ZNF385C: variants seen among roughly 807,000 people sequenced by gnomAD.
The protein encoded by ZNF385C is CTD-2132N18.2.
In ZNF385C, 28 loss-of-function variants were observed where a neutral mutation model predicts 35.4. The observed-to-expected ratio is 0.79, with a 90% CI of 0.59 to 1.08. The LOEUF is 1.08. Among genes scored for constraint, ZNF385C ranks in the 50% least tolerant of loss-of-function variants. The pLI is 0.00. For missense variants in ZNF385C, 605 were observed against 595.6 expected (o/e 1.02, Z -0.16); for synonymous variants, 248 against 248.2 (o/e 1.00, Z 0.01).
At chr17:42,071,336 G>A (rs1440740647) in intron 1 of ZNF385C, among the ~76,000 whole-genome samples, 2 of 152,108 alleles carry the variant, frequency 1.3e-5, no homozygotes, top group African/African-American at 4.8e-5. Flanking sequence ...GAGGGCACAG[G>A]AGGTGAAGGA....
intron 1 of ZNF385C, among the ~76,000 whole-genome samples, chr17:42,082,131 C>A (rs573128114): frequency 3.3e-5 from 5 of 152,326 alleles, no homozygotes; most frequent in African/African-American, 1.2e-4. Context: ...CCACCTCAGC[C>A]CCTTGGCTGA....
At position 42,050,267 on chromosome 17, in the gene ZNF385C, G is replaced by A. The variant is rs2053253298; in HGVS notation, c.251-12382C>T. On this transcript the variant is annotated intron_variant, in intron 2 of 8. Coordinates refer to ENST00000692273, the MANE Select transcript of ZNF385C (RefSeq NM_001392013.1). The surrounding 1 kb of genome is among the most constrained non-coding windows in gnomAD (Gnocchi z 5.6). ...CGAGCCTCCTCCCCGGGCTCCTGGG[G>A]GCCCCTTGCTTTGGGACCCCACTAA... 6.6e-6 allele frequency among the ~76,000 whole-genome samples: 1 copy of A among 152,186 alleles called. No homozygotes were observed. Among genetic ancestry groups the A allele is most frequent in the Non-Finnish European group, 1.5e-5 (1 of 68,016 alleles).
At chr17:42,029,556 T>C (rs1481063932) in intron 5 of ZNF385C, among the ~76,000 whole-genome samples, 1 of 152,100 alleles carries the variant, frequency 6.6e-6, no homozygotes, top group African/African-American at 2.4e-5. Context: ...CTATCTCTAC[T>C]AAAAATACAG....
At chr17:42,060,962 G>A (rs943179966) in intron 2 of ZNF385C, among the ~76,000 whole-genome samples, 1 of 152,082 alleles carries the variant, frequency 6.6e-6, no homozygotes, top group Non-Finnish European at 1.5e-5. Flanking sequence ...CAATCTGCCC[G>A]CTTTGGGGTC....
At chr17:42,047,040 T>G (rs2053177525) in intron 2 of ZNF385C, among the ~76,000 whole-genome samples, 2 of 151,074 alleles carry the variant, frequency 1.3e-5, no homozygotes, top group Admixed American at 6.6e-5. Flanking sequence ...TTTTTTTTTT[T>G]TTTTTTTTTG....
chr17:42,040,097 G>C (rs948354510), intron 2 of ZNF385C: 120 of 1,231,304 alleles, frequency 9.7e-5, no homozygotes, highest in Admixed American at 3.0e-4. Flanking sequence ...GCAAAGCCGC[G>C]CAGCAGCACC....
At chr17:42,041,349 G>A (rs1164182094) in intron 2 of ZNF385C, among the ~76,000 whole-genome samples, 1 of 152,064 alleles carries the variant, frequency 6.6e-6, no homozygotes, top group African/African-American at 2.4e-5. Context: ...TGCTACCTTC[G>A]GCCAGTCACT....
intron 6 of ZNF385C, 185 bp from the exon 7 acceptor site, chr17:42,028,431 T>C (rs1555654592): frequency 2.4e-5 from 15 of 621,652 alleles, no homozygotes; most frequent in Non-Finnish European, 4.0e-5. Context: ...GCCCCTCCTA[T>C]GAAAGGCCTT....
At chr17:42,031,058 TGGGGGTGGGC>T (rs2052717308) in intron 5 of ZNF385C, among the ~76,000 whole-genome samples, 1 of 25,848 alleles carries the variant, frequency 3.9e-5, no homozygotes, top group Admixed American at 4.7e-4. Flanking sequence ...TTTTTGGGGG[TGGGGGTGGGC>T]AGGGGAGGTT....
rs537883172 is a variant in ZNF385C at position 42,035,918 on chromosome 17, G to A, written c.400-1583C>T. 9.9e-5 allele frequency among the ~76,000 whole-genome samples: 15 copies of A among 152,282 alleles called. No individual in the cohort carries two copies. In the East Asian group the frequency reaches 2.7e-3, roughly 27 times the overall value. On this transcript the variant is annotated intron_variant, in intron 3 of 8. Coordinates refer to ENST00000692273, the MANE Select transcript of ZNF385C (RefSeq NM_001392013.1). Reference sequence around the variant, plus strand: ...GGAGGTGGGGGGCCAGTAGGGGGCAGGGAGCAGCAAGTGGAGGCCTAAGGT... The same window carrying A: ...GGAGGTGGGGGGCCAGTAGGGGGCAAGGAGCAGCAAGTGGAGGCCTAAGGT...
At chr17:42,062,762 C>T (rs1298905168) in intron 2 of ZNF385C, 45 bp downstream of exon 2, 7 of 506,074 alleles carry the variant, frequency 1.4e-5, no homozygotes, top group Admixed American at 3.7e-5. Context: ...GACAGAGATA[C>T]TCCCCAAACC....
At chr17:42,049,088 G>C (rs1158954599) in intron 2 of ZNF385C, among the ~76,000 whole-genome samples, 2 of 152,058 alleles carry the variant, frequency 1.3e-5, no homozygotes, top group Non-Finnish European at 2.9e-5. Flanking sequence ...TTCCTTCCTA[G>C]TAACACCACC....
In ZNF385C at chr17:42,037,811, G is replaced by A. The variant is rs1322836192; in HGVS notation, c.325C>T (p.Leu109=). Residue 109 remains leucine (L), a synonymous_variant, in exon 3 of 9, where the codon CTG becomes TTG. Transcript: ENST00000692273. ...AAGGCGAGCAAGTGCTTGAAGTCCA[G>A]CGGGGGCTGCAGAGGCCGGGTGGGC... The part of the protein sequence containing the change: ...PLPTRPLQPP[L]DFKHLLAFHF... 12 of 1,525,286 alleles carry A rather than the reference G, an allele frequency of 7.9e-6. No individual in the cohort carries two copies. In the Admixed American group the frequency reaches 1.5e-4, roughly 19 times the overall value. The allele number at this position is 1,525,286 out of a possible 1,614,324, so 94.5% of individuals were successfully genotyped here. A position where few individuals can be genotyped will look rare whatever the true frequency, so the allele number is the denominator to read the frequency against.
intron 2 of ZNF385C, among the ~76,000 whole-genome samples, chr17:42,055,113 C>T (rs1300766795): frequency 2.6e-5 from 4 of 152,162 alleles, no homozygotes; most frequent in African/African-American, 9.6e-5. Flanking sequence ...CCCCGACCCC[C>T]TCAGCATCCT....
chr17:42,049,305 C>T (rs2053236743), intron 2 of ZNF385C, among the ~76,000 whole-genome samples: 1 of 152,222 alleles, frequency 6.6e-6, no homozygotes, highest in East Asian at 1.9e-4. Flanking sequence ...CCATTCCATG[C>T]TCCACAGATT....
Position 42,031,613 on chromosome 17 carries a change from A to G in ZNF385C, c.676+6T>C. The stretch of plus-strand genomic sequence containing the variant: ...GACGTGGGAAAGAGAAGAGCTCAGG[A>G]CTGACCTTTACTCTGTGGCTCTCCA... On this transcript the variant is annotated splice_donor_region_variant and intron_variant, in intron 5 of 8. Transcript: ENST00000692273. The G allele has an allele frequency of 6.5e-7, 1 of 1,549,698 alleles. No homozygotes were observed. The highest frequency in any genetic ancestry group is 8.7e-7 in the Non-Finnish European group (1 of 1,146,236).
At chr17:42,080,652 C>T (rs782507625) in intron 1 of ZNF385C, among the ~76,000 whole-genome samples, 3 of 152,194 alleles carry the variant, frequency 2.0e-5, no homozygotes, top group Non-Finnish European at 4.4e-5. Flanking sequence ...CAGCTGCTGA[C>T]CACATCAAAG....
intron 1 of ZNF385C, among the ~76,000 whole-genome samples, chr17:42,063,617 G>A (rs2053499281): frequency 6.6e-6 from 1 of 152,168 alleles, no homozygotes; most frequent in Admixed American, 6.5e-5. Context: ...TACACACGGG[G>A]AGGCCAAGAC....
At chr17:42,048,089 C>T (rs2053205390) in intron 2 of ZNF385C, among the ~76,000 whole-genome samples, 2 of 152,166 alleles carry the variant, frequency 1.3e-5, no homozygotes, top group South Asian at 4.1e-4. Context: ...GAGGTCATCT[C>T]CTCCCCCCCT....
Sources: gnomAD v4.1 joint callset for allele counts (sites outside exome capture counted in the v4.1 genomes callset) on GRCh38, gnomAD v4.1.1 for gene constraint, Gnocchi (gnomAD v3.1) non-coding constraint, MANE v1.5 for transcripts, NCBI Gene and HGNC (gene_info 2026-07-23, HGNC 2026-07-21) for gene names.